Variants in KIAA0586 observed in about 807,000 individuals in gnomAD.
KIAA0586 encodes KIAA0586, also known as protein TALPID3.
Under a neutral mutation model 169.8 loss-of-function variants are expected in KIAA0586, and 144 were observed. The observed-to-expected ratio is 0.85, with a 90% CI of 0.74 to 0.97. The LOEUF (loss-of-function observed/expected upper bound fraction) is 0.97, where lower values mean the gene tolerates loss of function less well. Among genes scored for constraint, KIAA0586 ranks in the 50% least tolerant of loss-of-function variants. KIAA0586 has a pLI of 0.00. For synonymous variants in KIAA0586, 625 were observed against 612.4 expected (o/e 1.02, Z -0.30); for missense variants, 1,854 against 1,823.0 (o/e 1.02, Z -0.31).
At position 58,452,920 on chromosome 14, in the gene KIAA0586, A is replaced by T. The variant is rs1748973; in HGVS notation, c.1130-430A>T. Among the ~76,000 whole-genome samples the T allele has an allele frequency of 3.2e-3, 484 of 149,656 alleles. 1 individual carries two copies. Among genetic ancestry groups the T allele is most frequent in the Admixed American group, 3.7e-3 (55 of 15,044 alleles). On this transcript the variant is annotated intron_variant, in intron 8 of 30. Coordinates refer to ENST00000652326, the MANE Select transcript of KIAA0586 (RefSeq NM_001329943.3). ...TTGTAGGCTACTTTGTAGGCTATAA[A>T]TTTTTTTTTTTTTTGAGATGGAGTT...
intron 8 of KIAA0586, among the ~76,000 whole-genome samples, chr14:58,451,526 C>A (rs2039389219): frequency 6.6e-6 from 1 of 152,074 alleles, no homozygotes; most frequent in Non-Finnish European, 1.5e-5. Context: ...TGTGCCTGGG[C>A]AAGTTTTGTT....
In KIAA0586 at chr14:58,456,725, A is replaced by G. The variant is rs867768844; in HGVS notation, c.1277A>G (p.Glu426Gly). Residue 426 changes from glutamate (E) to glycine (G), a missense_variant, in exon 10 of 31, where the codon GAA (glutamate) becomes GGA (glycine). Transcript: ENST00000652326. ...AGATTTCCTTCCTGTGAAGAGCTAG[A>G]AACAACTAAAGTGACTATGCAGAAG... ...TNRFPSCEEL[E>G]TTKVTMQKSD... 3 of 1,603,236 alleles carry G rather than the reference A, an allele frequency of 1.9e-6. No homozygotes were observed. Among genetic ancestry groups the G allele is most frequent in the Middle Eastern group, 3.3e-4 (2 of 6,046 alleles).
intron 28 of KIAA0586, among the ~76,000 whole-genome samples, 171 bp downstream of exon 28, chr14:58,508,880 C>G (rs1308868500): frequency 6.6e-6 from 1 of 152,072 alleles, no homozygotes; most frequent in African/African-American, 2.4e-5. Context: ...CAAGCTGTGC[C>G]CTAGAACACA....
At chr14:58,501,707 T>A (rs1404853802) in intron 27 of KIAA0586, among the ~76,000 whole-genome samples, 10 of 152,202 alleles carry the variant, frequency 6.6e-5, no homozygotes. Flanking sequence ...CTTTGAGAGT[T>A]TCAGAAATGG....
At chr14:58,481,869 A>G (rs2042049435) in intron 20 of KIAA0586, among the ~76,000 whole-genome samples, 1 of 147,522 alleles carries the variant, frequency 6.8e-6, no homozygotes, top group South Asian at 2.1e-4. Flanking sequence ...GCTGGAGTGC[A>G]GTGGTGCGAT....
At chr14:58,491,144 T>C (rs1315825732) in intron 25 of KIAA0586, among the ~76,000 whole-genome samples, 3 of 152,214 alleles carry the variant, frequency 2.0e-5, no homozygotes, top group East Asian at 1.9e-4. Context: ...TGTACAATTA[T>C]AGCATTTTTC....
intron 4 of KIAA0586, among the ~76,000 whole-genome samples, chr14:58,434,533 C>T (rs910630678): frequency 2.6e-5 from 4 of 152,156 alleles, no homozygotes; most frequent in Non-Finnish European, 5.9e-5. Flanking sequence ...GCTAACCTAG[C>T]CCAAGTATCA....
At chr14:58,480,603 T>G (rs1743705) in intron 20 of KIAA0586, among the ~76,000 whole-genome samples, 151,684 of 152,248 alleles carry the variant, frequency 1, 75,564 homozygotes, top group Middle Eastern at 1. Flanking sequence ...TGTCTAAAAT[T>G]CTTCTCATTT....
chr14:58,536,223 G>A (rs558351407), intron 29 of KIAA0586, among the ~76,000 whole-genome samples: 9 of 152,050 alleles, frequency 5.9e-5, no homozygotes, highest in African/African-American at 2.2e-4. Context: ...TTAATTGTGG[G>A]GATTGGGCTT....
chr14:58,448,445 C>T lies in KIAA0586; in HGVS notation c.913C>T (p.Leu305Phe), dbSNP rs1172036976. The change falls in exon 7 of 31, where the codon CTT (leucine) becomes TTT (phenylalanine). Residue 305 changes from leucine (L) to phenylalanine (F), a missense_variant. Transcript: ENST00000652326. ...KYSVKPEHPNLGSCNPSLYNT... is the reference protein window; with the variant it reads ...KYSVKPEHPNFGSCNPSLYNT... ...TTCCGTAAAACCAGAACACCCTAAT[C>T]TTGGTAGCTGTAATCCATCTTTATA... 33 of 1,612,418 alleles carry T rather than the reference C, an allele frequency of 2.0e-5. No homozygotes were observed. The highest frequency in any genetic ancestry group is 2.8e-5 in the Non-Finnish European group (33 of 1,178,744).
intron 14 of KIAA0586, among the ~76,000 whole-genome samples, chr14:58,461,592 G>A (rs1291588823): frequency 1.3e-5 from 2 of 151,940 alleles, no homozygotes; most frequent in Admixed American, 6.6e-5. Context: ...ACACTACCAC[G>A]CCTGGCTAAT....
Position 58,448,438 on chromosome 14 carries a change from C to G in KIAA0586, c.906C>G (p.His302Gln). 6.2e-7 allele frequency: 1 copy of G among 1,612,496 alleles called. No individual in the cohort carries two copies. Among genetic ancestry groups the G allele is most frequent in the Non-Finnish European group, 8.5e-7 (1 of 1,178,748 alleles). ...AVEKYSVKPE[H>Q]PNLGSCNPSL... ...AAAAGTATTCCGTAAAACCAGAACA[C>G]CCTAATCTTGGTAGCTGTAATCCAT... Residue 302 changes from histidine to glutamine, a missense_variant, in exon 7 of 31, where the codon CAC becomes CAG. By Grantham distance (24) the His-to-Gln change is conservative. Coordinates refer to ENST00000652326, the MANE Select transcript of KIAA0586 (RefSeq NM_001329943.3).
At chr14:58,537,230 TA>T (rs1566955749) in intron 29 of KIAA0586, 1 of 995,452 alleles carries the variant, frequency 1.0e-6, no homozygotes, top group Non-Finnish European at 1.2e-6. Flanking sequence ...GATAGTGGCT[TA>T]TTTTTTTTAA....
At chr14:58,510,028 G>A (rs971639574) in intron 28 of KIAA0586, among the ~76,000 whole-genome samples, 9 of 152,092 alleles carry the variant, frequency 5.9e-5, no homozygotes, top group African/African-American at 2.2e-4. Flanking sequence ...AATAGATTTG[G>A]AACAGTCCTT....
At chr14:58,510,246 G>A (rs1466250866) in intron 28 of KIAA0586, among the ~76,000 whole-genome samples, 1 of 152,188 alleles carries the variant, frequency 6.6e-6, no homozygotes, top group Non-Finnish European at 1.5e-5. Context: ...GTGTGCACCT[G>A]TAGTCCCAGC....
Position 58,461,078 on chromosome 14 carries a change from T to TA in KIAA0586, c.1983dup (p.Gly662ArgfsTer7). The TA allele has an allele frequency of 6.2e-7, 1 of 1,612,292 alleles. No individual in the cohort carries two copies. Among genetic ancestry groups the TA allele is most frequent in the Non-Finnish European group, 8.5e-7 (1 of 1,179,042 alleles). Reference sequence around the variant, plus strand: ...TTTATCAGGGCCATCGAAGCACTCTTAAAAAAGGACCATATCTCAGATTTA... The same window carrying TA: ...TTTATCAGGGCCATCGAAGCACTCTTAAAAAAAGGACCATATCTCAGATTTA... On this transcript the variant is annotated frameshift_variant, in exon 14 of 31. Transcript: ENST00000652326. LOFTEE classifies it high-confidence loss of function.
chr14:58,498,782 G>A lies in KIAA0586; in HGVS notation c.3991-1G>A. ...TTAACAATTGTTTCTGCTTTTTAAA[G>A]GACTTGGAAAACAGTGTGGGTGAAC... On this transcript the variant is annotated splice_acceptor_variant, in intron 26 of 30. Transcript: ENST00000652326. LOFTEE classifies it high-confidence loss of function. 1 of 1,583,526 alleles carries A rather than the reference G, an allele frequency of 6.3e-7. No homozygotes were observed. The highest frequency in any genetic ancestry group is 8.6e-7 in the Non-Finnish European group (1 of 1,169,182).
At chr14:58,472,073 G>A in intron 17 of KIAA0586, 126 bp from the exon 18 acceptor site, 1 of 434,354 alleles carries the variant, frequency 2.3e-6, no homozygotes, top group South Asian at 6.0e-5. Context: ...TTCTGAATAG[G>A]GTATTAAAAT....
chr14:58,491,326 A>C (rs957677553), intron 25 of KIAA0586, among the ~76,000 whole-genome samples: 1 of 152,248 alleles, frequency 6.6e-6, no homozygotes, highest in Non-Finnish European at 1.5e-5. Context: ...CAAATTCATA[A>C]TAAAGTCAAA....
Sources: gnomAD v4.1 joint callset for allele counts (sites outside exome capture counted in the v4.1 genomes callset) on GRCh38, gnomAD v4.1.1 for gene constraint, MANE v1.5 for transcripts, NCBI Gene and HGNC (gene_info 2026-07-23, HGNC 2026-07-21) for gene names.